Variants in CSMD1 observed in about 807,000 individuals in gnomAD.
The protein encoded by CSMD1 is CUB and Sushi multiple domains 1.
In CSMD1, 213 loss-of-function variants were observed where a neutral mutation model predicts 417.5. The ratio of observed to expected loss-of-function variants is 0.51; its 90% CI spans 0.46 to 0.57. The LOEUF is 0.57. Ranked by LOEUF, CSMD1 falls within the 20% of genes least tolerant of loss-of-function variation. The pLI is 0.00. For synonymous variants in CSMD1, 2,862 were observed against 1,736.8 expected (o/e 1.65, Z -16.11); for missense variants, 6,923 against 4,529.7 (o/e 1.53, Z -15.17).
chr8:3,701,143 C>T (rs1431938959), intron 7 of CSMD1, among the ~76,000 whole-genome samples: 1 of 151,956 alleles, frequency 6.6e-6, no homozygotes, highest in Non-Finnish European at 1.5e-5. Context: ...GAGAGAGATG[C>T]CTGTTAGACA....
At chr8:4,082,541 AAAAC>A (rs1244970768) in intron 3 of CSMD1, among the ~76,000 whole-genome samples, 2 of 152,188 alleles carry the variant, frequency 1.3e-5, no homozygotes, top group African/African-American at 2.4e-5. Context: ...GAAACACACA[AAAAC>A]AAACAAAATT....
chr8:3,321,842 A>G (rs535970171), intron 23 of CSMD1, among the ~76,000 whole-genome samples: 1 of 152,342 alleles, frequency 6.6e-6, no homozygotes, highest in African/African-American at 2.4e-5. Context: ...AAATTTTAAC[A>G]CTTTCTGATT....
At chr8:4,042,815 T>TTAAAAA (rs1487345501) in intron 3 of CSMD1, among the ~76,000 whole-genome samples, 4 of 41,312 alleles carry the variant, frequency 9.7e-5, no homozygotes, top group Non-Finnish European at 1.7e-4. Context: ...TACAACATAT[T>TTAAAAA]AAAAAAAAAA....
chr8:4,963,096 A>T (rs2117341754), intron 1 of CSMD1, among the ~76,000 whole-genome samples: 1 of 152,300 alleles, frequency 6.6e-6, no homozygotes, highest in Non-Finnish European at 1.5e-5. Flanking sequence ...AGGCCTCCGC[A>T]AGAATATAGG....
intron 28 of CSMD1, 63 bp downstream of exon 28, chr8:3,223,666 A>C: frequency 6.5e-7 from 1 of 1,550,220 alleles, no homozygotes; most frequent in Non-Finnish European, 8.9e-7. Flanking sequence ...TCATAAAAGA[A>C]GTAATTTTTA....
chr8:4,144,928 C>A (rs1286336360), intron 3 of CSMD1, among the ~76,000 whole-genome samples: 1 of 150,940 alleles, frequency 6.6e-6, no homozygotes, highest in African/African-American at 2.5e-5. Context: ...TGGAGTGAAG[C>A]AGAGACCCCA....
intron 7 of CSMD1, 110 bp from the exon 8 acceptor site, chr8:3,616,907 G>A (rs1040890520): frequency 4.5e-6 from 3 of 664,874 alleles, no homozygotes; most frequent in East Asian, 2.8e-5. Flanking sequence ...GACTTAAAAT[G>A]TGATCTCCAA....
rs993859929 is a variant in CSMD1 at position 3,990,336 on chromosome 8, C to G, written c.818+7567G>C. 2.0e-5 allele frequency among the ~76,000 whole-genome samples: 3 copies of G among 152,054 alleles called. No individual in the cohort carries two copies. The East Asian group carries it at 5.8e-4, about 29-fold the overall frequency. ...ATGAGGTTAATTTGGAGAAATCTGA[C>G]ATGAGAGAAATATTACACCAGAACT... On this transcript the variant is annotated intron_variant, in intron 5 of 69. Coordinates refer to ENST00000635120, the MANE Select transcript of CSMD1 (RefSeq NM_033225.6).
intron 11 of CSMD1, among the ~76,000 whole-genome samples, chr8:3,475,748 G>A (rs776874767): frequency 5.3e-5 from 8 of 152,192 alleles, no homozygotes; most frequent in Non-Finnish European, 7.3e-5. Context: ...CCAATTTCAA[G>A]TATGTGAAGC....
chr8:4,344,464 C>T (rs757569117), intron 3 of CSMD1, among the ~76,000 whole-genome samples: 9 of 151,850 alleles, frequency 5.9e-5, no homozygotes, highest in African/African-American at 1.9e-4. Context: ...CATTCTTTTA[C>T]AAATGTCTAC....
chr8:4,593,027 T>C (rs1800068259), intron 2 of CSMD1, among the ~76,000 whole-genome samples: 1 of 152,230 alleles, frequency 6.6e-6, no homozygotes, highest in Non-Finnish European at 1.5e-5. Context: ...CTTATTGGTC[T>C]ACATGCTGGA....
At chr8:4,993,018 C>T (rs1490803558) in intron 1 of CSMD1, among the ~76,000 whole-genome samples, 1 of 152,190 alleles carries the variant, frequency 6.6e-6, no homozygotes, top group Non-Finnish European at 1.5e-5. Flanking sequence ...CCAGGCGGCA[C>T]GTCTCTCCCC....
intron 5 of CSMD1, among the ~76,000 whole-genome samples, chr8:3,870,165 T>C (rs1805381873): frequency 6.6e-6 from 1 of 152,188 alleles, no homozygotes; most frequent in Non-Finnish European, 1.5e-5. Context: ...ATTTGAATCT[T>C]GGTTAAAGAG....
intron 7 of CSMD1, among the ~76,000 whole-genome samples, chr8:3,660,122 G>A (rs1798334485): frequency 6.6e-6 from 1 of 152,152 alleles, no homozygotes; most frequent in South Asian, 2.1e-4. Flanking sequence ...TTTATAGTTT[G>A]CAAAATACTT....
intron 3 of CSMD1, among the ~76,000 whole-genome samples, chr8:4,147,526 C>T (rs1437836055): frequency 6.6e-6 from 1 of 152,182 alleles, no homozygotes; most frequent in Non-Finnish European, 1.5e-5. Flanking sequence ...TAGAGCCCTC[C>T]TCCTTAGGCA....
intron 11 of CSMD1, 30 bp downstream of exon 11, chr8:3,493,591 TAA>T (rs1796229335): frequency 6.4e-7 from 1 of 1,559,530 alleles, no homozygotes; most frequent in South Asian, 1.2e-5. Flanking sequence ...ACTGCATGCA[TAA>T]GAGAAGAAGA....
intron 46 of CSMD1, among the ~76,000 whole-genome samples, chr8:3,102,319 G>A (rs1293760148): frequency 1.3e-5 from 2 of 152,160 alleles, no homozygotes; most frequent in African/African-American, 4.8e-5. Context: ...ATGATGAGTT[G>A]TTTAGAGAAT....
chr8:3,228,583 T>C (rs1260045912), intron 27 of CSMD1, among the ~76,000 whole-genome samples: 13 of 152,196 alleles, frequency 8.5e-5, no homozygotes, highest in Admixed American at 3.3e-4. Flanking sequence ...GACTACCTAG[T>C]GGCTGGTCAA....
chr8:3,520,154 G>A (rs1043633744), intron 10 of CSMD1, among the ~76,000 whole-genome samples: 5 of 151,588 alleles, frequency 3.3e-5, no homozygotes, highest in African/African-American at 7.3e-5. Flanking sequence ...TTACTGTTAA[G>A]AAACCAGAAC....
Sources: gnomAD v4.1 joint callset for allele counts (sites outside exome capture counted in the v4.1 genomes callset) on GRCh38, gnomAD v4.1.1 for gene constraint, MANE v1.5 for transcripts, NCBI Gene and HGNC (gene_info 2026-07-23, HGNC 2026-07-21) for gene names.